Variants in PBX1 observed in about 807,000 individuals in gnomAD.
The protein encoded by PBX1 is PBX homeobox 1, also known as pre-B-cell leukemia transcription factor 1.
A neutral mutation model predicts 53.4 loss-of-function variants in PBX1; 6 were observed. That is an observed-to-expected ratio of 0.11 (90% CI 0.06 to 0.22). The LOEUF (loss-of-function observed/expected upper bound fraction) is 0.22, where lower values mean the gene tolerates loss of function less well. Among genes scored for constraint, PBX1 ranks in the 10% least tolerant of loss-of-function variants. The probability of loss-of-function intolerance (pLI) is 1.00; values close to 1 mark genes in which losing one functional copy is unlikely to be tolerated. For missense variants in PBX1, 251 were observed against 551.4 expected (o/e 0.46, Z 5.46); for synonymous variants, 204 against 212.3 (o/e 0.96, Z 0.34).
chr1:164,704,428 G>A (rs1376784330), intron 2 of PBX1, among the ~76,000 whole-genome samples: 3 of 152,150 alleles, frequency 2.0e-5, no homozygotes, highest in Non-Finnish European at 2.9e-5. Context: ...ACAATTGAAG[G>A]AAGTATATAA....
At chr1:164,642,008 G>T (rs1659173880) in intron 2 of PBX1, 1 of 152,122 alleles carries the variant, frequency 6.6e-6, no homozygotes, top group African/African-American at 2.4e-5. Context: ...CTTTTTGGTG[G>T]CTCTTTTGTT....
At chr1:164,588,493 T>C (rs966878524) in intron 2 of PBX1, among the ~76,000 whole-genome samples, 10 of 146,062 alleles carry the variant, frequency 6.8e-5, no homozygotes, top group African/African-American at 2.3e-4. Flanking sequence ...TTTTTTTTTT[T>C]TTTTTTTAGT....
At chr1:164,656,656 C>G (rs1225850432) in intron 2 of PBX1, among the ~76,000 whole-genome samples, 1 of 151,160 alleles carries the variant, frequency 6.6e-6, no homozygotes. Context: ...TGAGTGATGG[C>G]TATAGAGGAA....
At chr1:164,599,384 CTCTT>C (rs1395789704) in intron 2 of PBX1, among the ~76,000 whole-genome samples, 3 of 149,074 alleles carry the variant, frequency 2.0e-5, no homozygotes, top group Non-Finnish European at 4.5e-5. Context: ...TGTTTCTTTT[CTCTT>C]TCTTCGGGCA....
intron 5 of PBX1, among the ~76,000 whole-genome samples, chr1:164,811,698 T>C (rs530776950): frequency 6.6e-6 from 1 of 152,236 alleles, no homozygotes; most frequent in African/African-American, 2.4e-5. Flanking sequence ...AAATTTAAAA[T>C]GCTTGCTCTA....
intron 2 of PBX1, among the ~76,000 whole-genome samples, chr1:164,712,711 C>T (rs74117996): frequency 1.6e-4 from 24 of 152,238 alleles, no homozygotes; most frequent in African/African-American, 3.9e-4. Flanking sequence ...AGGGAAAACA[C>T]GTGCAGGTCT....
chr1:164,794,111 G>A (rs1161872908), intron 3 of PBX1, among the ~76,000 whole-genome samples: 1 of 151,896 alleles, frequency 6.6e-6, no homozygotes, highest in Non-Finnish European at 1.5e-5. Flanking sequence ...CTGACCTCAG[G>A]TGATCCACCT....
intron 2 of PBX1, among the ~76,000 whole-genome samples, chr1:164,785,241 A>C (rs1668119117): frequency 6.6e-6 from 1 of 152,206 alleles, no homozygotes; most frequent in African/African-American, 2.4e-5. Flanking sequence ...CAGAATCATC[A>C]GTCATTTCTA....
intron 2 of PBX1, among the ~76,000 whole-genome samples, chr1:164,670,096 A>G (rs1228271691): frequency 1.6e-5 from 2 of 121,520 alleles, no homozygotes; most frequent in Non-Finnish European, 3.1e-5. Flanking sequence ...AGAGTCCATG[A>G]GGAGTGGGAC....
intron 2 of PBX1, among the ~76,000 whole-genome samples, chr1:164,570,015 C>T (rs554577152): frequency 7.2e-5 from 11 of 152,222 alleles, no homozygotes; most frequent in African/African-American, 1.2e-4. Context: ...GGACAACAAC[C>T]GCTTGAAAAG....
intron 2 of PBX1, among the ~76,000 whole-genome samples, chr1:164,761,774 C>A (rs189552802): frequency 5.9e-5 from 9 of 152,318 alleles, no homozygotes; most frequent in Admixed American, 5.9e-4. Flanking sequence ...GTCATTTTAG[C>A]AAATTGTAAA....
In PBX1 at chr1:164,820,197, C is replaced by A. The variant is rs759207875; in HGVS notation, c.1110+13C>A. The A allele has an allele frequency of 2.0e-6, 3 of 1,477,898 alleles. No homozygotes were observed. The highest frequency in any genetic ancestry group is 1.1e-5 in the South Asian group (1 of 88,326). The allele number at this position is 1,477,898 out of a possible 1,614,324, so 91.5% of individuals were successfully genotyped here. On this transcript the variant is annotated intron_variant, in intron 7 of 8. Coordinates refer to ENST00000420696, the MANE Select transcript of PBX1 (RefSeq NM_002585.4). The stretch of plus-strand genomic sequence containing the variant: ...CGTGCAATCACAGGTAGGGACCCAG[C>A]CAATATGTCACCAGGTGAATGCCTT...
chr1:164,686,665 T>C (rs1662115325), intron 2 of PBX1, among the ~76,000 whole-genome samples: 1 of 152,124 alleles, frequency 6.6e-6, no homozygotes, highest in South Asian at 2.1e-4. Context: ...TAGGCATGGG[T>C]CAGGTACATC....
intron 2 of PBX1, among the ~76,000 whole-genome samples, chr1:164,569,264 GT>G (rs1317427721): frequency 1.3e-5 from 2 of 152,134 alleles, no homozygotes; most frequent in African/African-American, 4.8e-5. Context: ...CCTTATTCAA[GT>G]TAAAAAACCT....
intron 2 of PBX1, among the ~76,000 whole-genome samples, chr1:164,611,287 G>C (rs1360686161): frequency 6.6e-6 from 1 of 152,236 alleles, no homozygotes; most frequent in East Asian, 1.9e-4. Context: ...GCCCAGGCTA[G>C]AGTGCAGTGG....
At chr1:164,581,562 A>C (rs1654621723) in intron 2 of PBX1, among the ~76,000 whole-genome samples, 1 of 151,980 alleles carries the variant, frequency 6.6e-6, no homozygotes, top group Non-Finnish European at 1.5e-5. Context: ...AGTTTTGAGG[A>C]GGGAAGATCT....
At chr1:164,868,172 G>A (rs756828488) in intron 2 of PBX1, among the ~76,000 whole-genome samples, 2 of 152,178 alleles carry the variant, frequency 1.3e-5, no homozygotes, top group Non-Finnish European at 2.9e-5. Flanking sequence ...CTAAGAAAAT[G>A]GCTAATGGTT....
chr1:164,747,099 C>A (rs1249379562), intron 2 of PBX1, among the ~76,000 whole-genome samples: 1 of 152,136 alleles, frequency 6.6e-6, no homozygotes, highest in African/African-American at 2.4e-5. Context: ...CCAGAGAGTA[C>A]CTAACTCAAA....
At chr1:164,788,380 G>A (rs1029645324) in intron 2 of PBX1, among the ~76,000 whole-genome samples, 3 of 149,220 alleles carry the variant, frequency 2.0e-5, no homozygotes, top group African/African-American at 7.5e-5. Context: ...TTTATTTAAT[G>A]TTGGTGTTTT....
Sources: gnomAD v4.1 joint callset for allele counts (sites outside exome capture counted in the v4.1 genomes callset) on GRCh38, gnomAD v4.1.1 for gene constraint, MANE v1.5 for transcripts, NCBI Gene and HGNC (gene_info 2026-07-23, HGNC 2026-07-21) for gene names.